Variants in WNK1 observed in about 807,000 individuals in gnomAD.
The protein encoded by WNK1 is serine/threonine-protein kinase WNK1.
In WNK1, 38 loss-of-function variants were observed where a neutral mutation model predicts 222.8. The observed-to-expected ratio is 0.17, with a 90% CI of 0.13 to 0.22. WNK1 has a LOEUF of 0.22. WNK1 is among the 10% of genes least tolerant of loss of function. WNK1 has a pLI of 1.00. For missense variants in WNK1, 2,348 were observed against 2,918.4 expected (o/e 0.80, Z 4.50); for synonymous variants, 1,090 against 1,092.9 (o/e 1.00, Z 0.05).
rs2014160 is a variant in WNK1, at chr12:788,899, G to T, written c.760-24743G>T. On this transcript the variant is annotated intron_variant, in intron 1 of 27. Transcript: ENST00000315939. ...AAGACTCTGTCTCGGGGGGGAAAAA[G>T]AAAGGTAAGTGAGCAAACATCTGTT... Among the ~76,000 whole-genome samples, 142 of 151,058 alleles carry T rather than the reference G, an allele frequency of 9.4e-4. 3 individuals carry two copies. The highest frequency in any genetic ancestry group is 7.8e-3 in the South Asian group (37 of 4,758).
At chr12:893,461 A>G (rs1422107268) in intron 22 of WNK1, among the ~76,000 whole-genome samples, 1 of 152,192 alleles carries the variant, frequency 6.6e-6, no homozygotes, top group Admixed American at 6.5e-5. Flanking sequence ...GCTGTATAAA[A>G]TAAATATATC....
intron 1 of WNK1, among the ~76,000 whole-genome samples, chr12:775,300 G>A (rs901871651): frequency 7.9e-5 from 12 of 152,234 alleles, no homozygotes; most frequent in Admixed American, 6.5e-4. Flanking sequence ...AATACAATGA[G>A]ATAAATGGCT....
chr12:900,691 G>A (rs1299712501), intron 26 of WNK1, 21 bp downstream of exon 26: 22 of 1,613,844 alleles, frequency 1.4e-5, no homozygotes, highest in Middle Eastern at 1.6e-4. Context: ...AACCATCATC[G>A]TCCAAAAACA....
At chr12:783,046 A>G (rs1038651385) in intron 1 of WNK1, among the ~76,000 whole-genome samples, 3 of 151,702 alleles carry the variant, frequency 2.0e-5, no homozygotes, top group Admixed American at 2.0e-4. Context: ...TGGGACTACA[A>G]GCACGTGCCA....
At chr12:818,472 G>A (rs534095684) in intron 2 of WNK1, among the ~76,000 whole-genome samples, 16 of 152,124 alleles carry the variant, frequency 1.1e-4, no homozygotes, top group Admixed American at 3.9e-4. Context: ...CCAGCCATTC[G>A]TGGATGGGAT....
At position 827,480 on chromosome 12, in the gene WNK1, A is replaced by G. The variant is rs538196353; in HGVS notation, c.1153+218A>G. On this transcript the variant is annotated intron_variant, in intron 3 of 27. Transcript: ENST00000315939. This position sits in a 1 kb window ranked among gnomAD's most constrained non-coding sequence, Gnocchi z 4.6. ...TTGGTAACATTACGTTACAAGAAAT[A>G]AAGTGAACTTTGTTGATAAAACCTA... is the stretch of plus-strand genomic sequence containing the variant. The G allele has an allele frequency of 7.8e-5, 46 of 586,272 alleles. No homozygotes were observed. In the African/African-American group the frequency reaches 8.6e-4, roughly 11 times the overall value. 36.3% of individuals were successfully genotyped at this position (586,272 alleles called of 1,614,324 possible).
intron 1 of WNK1, among the ~76,000 whole-genome samples, chr12:778,442 C>T (rs1448990820): frequency 1.3e-5 from 2 of 152,006 alleles, no homozygotes; most frequent in Admixed American, 6.6e-5. Context: ...AAGCAGTTCT[C>T]CTGCCTCAGC....
chr12:782,379 A>G (rs762495206), intron 1 of WNK1, among the ~76,000 whole-genome samples: 3 of 152,168 alleles, frequency 2.0e-5, no homozygotes, highest in Admixed American at 6.6e-5. Context: ...GTCCTATTTT[A>G]TAGATGAGAA....
At chr12:808,924 C>T (rs935741479) in intron 1 of WNK1, among the ~76,000 whole-genome samples, 7 of 151,866 alleles carry the variant, frequency 4.6e-5, no homozygotes, top group East Asian at 1.9e-4. Flanking sequence ...CCACCACGCC[C>T]GGCTAATTTT....
At chr12:854,793 A>AT (rs1950659641) in intron 4 of WNK1, among the ~76,000 whole-genome samples, 1 of 152,214 alleles carries the variant, frequency 6.6e-6, no homozygotes, top group Non-Finnish European at 1.5e-5. Flanking sequence ...GGATACCAAA[A>AT]TTTGAAGATG....
At chr12:904,286 C>T (rs565844753) in intron 26 of WNK1, among the ~76,000 whole-genome samples, 1 of 152,350 alleles carries the variant, frequency 6.6e-6, no homozygotes, top group East Asian at 1.9e-4. Context: ...ACAGCCAGTT[C>T]GAAACATTCT....
intron 1 of WNK1, among the ~76,000 whole-genome samples, chr12:782,791 A>C (rs142858512): frequency 1.7e-3 from 255 of 152,208 alleles, no homozygotes; most frequent in African/African-American, 6.0e-3. Flanking sequence ...GACATGAGCC[A>C]CTGCGCCCAA....
intron 1 of WNK1, among the ~76,000 whole-genome samples, chr12:771,433 A>G (rs1349357702): frequency 6.6e-6 from 1 of 152,164 alleles, no homozygotes; most frequent in Non-Finnish European, 1.5e-5. Flanking sequence ...CTTATGAAAG[A>G]TAAACTGTAG....
intron 4 of WNK1, among the ~76,000 whole-genome samples, chr12:835,007 A>G (rs950225395): frequency 5.3e-5 from 8 of 152,182 alleles, no homozygotes; most frequent in African/African-American, 1.9e-4. Flanking sequence ...TACCTATTAC[A>G]TACTTCTTTC....
chr12:767,169 C>T (rs1941824722), intron 1 of WNK1, among the ~76,000 whole-genome samples: 1 of 147,152 alleles, frequency 6.8e-6, no homozygotes, highest in African/African-American at 2.6e-5. Flanking sequence ...CACACAAGAG[C>T]TTATGTCAAA....
At chr12:887,357 C>T in intron 20 of WNK1, 53 bp downstream of exon 20, 2 of 1,578,438 alleles carry the variant, frequency 1.3e-6, no homozygotes, top group Admixed American at 3.3e-5. Context: ...TTTGACAAAG[C>T]TTGCTGAAGT....
At chr12:779,862 T>C (rs531355850) in intron 1 of WNK1, among the ~76,000 whole-genome samples, 14 of 152,334 alleles carry the variant, frequency 9.2e-5, no homozygotes, top group Non-Finnish European at 1.9e-4. Context: ...TGTACTTGAC[T>C]CAGCTTCCTT....
At chr12:796,487 T>C (rs1945324005) in intron 1 of WNK1, among the ~76,000 whole-genome samples, 1 of 151,994 alleles carries the variant, frequency 6.6e-6, no homozygotes, top group African/African-American at 2.4e-5. Flanking sequence ...ATAATCAGAA[T>C]TCTTAATGAA....
At position 861,257 on chromosome 12, in the gene WNK1, C is replaced by T; in HGVS notation, c.1865C>T (p.Ser622Leu). 1 of 1,614,168 alleles carries T rather than the reference C, an allele frequency of 6.2e-7. No homozygotes were observed. The highest frequency in any genetic ancestry group is 8.5e-7 in the Non-Finnish European group (1 of 1,180,014). The change falls in exon 7 of 28, where the codon TCA (serine) becomes TTA (leucine). Residue 622 changes from serine to leucine, a missense_variant. Coordinates refer to ENST00000315939, the MANE Select transcript of WNK1 (RefSeq NM_018979.4). Reference sequence around the variant, plus strand: ...CCTACTGCTTCTACCACTTCAGCTTCAGTTTCTACACAAGTAGAACCTGAA... The same window carrying T: ...CCTACTGCTTCTACCACTTCAGCTTTAGTTTCTACACAAGTAGAACCTGAA... ...GIPTASTTSA[S>L]VSTQVEPEEP...
Sources: allele counts gnomAD v4.1 joint callset (sites outside exome capture counted in the v4.1 genomes callset), GRCh38; gene constraint gnomAD v4.1.1; non-coding constraint Gnocchi (gnomAD v3.1); transcripts MANE v1.5; gene names NCBI Gene and HGNC (gene_info 2026-07-23, HGNC 2026-07-21).